ANKRD45: variants seen among roughly 807,000 people sequenced by gnomAD.
ANKRD45 encodes ankyrin repeat domain-containing protein 45.
ANKRD45 carries 21 observed loss-of-function variants against 28.1 expected under a neutral mutation model. The ratio of observed to expected loss-of-function variants is 0.75; its 90% CI spans 0.53 to 1.08. ANKRD45 has a LOEUF of 1.08. ANKRD45 is among the 50% of genes least tolerant of loss of function. The probability of loss-of-function intolerance (pLI) is 0.00; values close to 1 mark genes in which losing one functional copy is unlikely to be tolerated. For missense variants in ANKRD45, 261 were observed against 308.7 expected (o/e 0.85, Z 1.16); for synonymous variants, 86 against 103.9 (o/e 0.83, Z 1.05).
In ANKRD45 at chr1:173,624,820, C is replaced by A. The variant is rs764646831; in HGVS notation, c.697G>T (p.Val233Leu). ...GTCATTTTTGTGAAGATAGGAGTCA[C>A]AATATCTTCCAGTTGTTGTCTCTGC... ...FEQRQQLEDIVTPIFTKMTTP... is the reference protein window; with the variant it reads ...FEQRQQLEDILTPIFTKMTTP... Residue 233 changes from valine (V) to leucine (L), a missense_variant, in exon 5 of 6, where the codon GTG becomes TTG. Coordinates refer to ENST00000333279, the MANE Select transcript of ANKRD45 (RefSeq NM_198493.3). 6 of 1,613,736 alleles carry A rather than the reference C, an allele frequency of 3.7e-6. 1 individual carries two copies. The highest frequency in any genetic ancestry group is 1.7e-5 in the Admixed American group (1 of 59,982).
At chr1:173,694,974 T>C in the ANKRD45 span, among the ~76,000 whole-genome samples, 1 of 152,200 alleles carries the variant, frequency 6.6e-6, no homozygotes, top group Admixed American at 6.5e-5. Flanking sequence ...CATTTATTAG[T>C]TGTAATATTT....
Position 173,613,241 on chromosome 1 carries a change from C to T in ANKRD45, c.731-3026G>A, listed in dbSNP as rs564390882. ...TGTGAGGAGCACCTCTGCCCGGCCG[C>T]GACCCCGTCTGGGAGGTGAGGAGCG... On this transcript the variant is annotated intron_variant, in intron 5 of 5. Coordinates refer to ENST00000333279, the MANE Select transcript of ANKRD45 (RefSeq NM_198493.3). Among the ~76,000 whole-genome samples, 471 of 151,880 alleles carry T rather than the reference C, an allele frequency of 3.1e-3. 1 individual carries two copies. The highest frequency in any genetic ancestry group is 0.027 in the Middle Eastern group (8 of 294).
At chr1:173,691,450 C>G in the ANKRD45 span, among the ~76,000 whole-genome samples, 2 of 152,184 alleles carry the variant, frequency 1.3e-5, no homozygotes, top group African/African-American at 2.4e-5. Context: ...AAATAGCACT[C>G]AAATATAAAA....
At chr1:173,635,497 CT>C (rs771525069) in intron 3 of ANKRD45, 30 of 1,461,124 alleles carry the variant, frequency 2.1e-5, no homozygotes, top group South Asian at 2.7e-5. Context: ...ATTTTAGCTA[CT>C]TTTTTTTCAA....
chr1:173,613,386 T>TC (rs1193778356), intron 5 of ANKRD45, among the ~76,000 whole-genome samples: 1 of 150,132 alleles, frequency 6.7e-6, no homozygotes, highest in Non-Finnish European at 1.5e-5. Flanking sequence ...GAGGAGCCCC[T>TC]CCGCCTGGCA....
intron 3 of ANKRD45, among the ~76,000 whole-genome samples, chr1:173,640,648 A>G (rs1668658847): frequency 6.6e-6 from 1 of 152,054 alleles, no homozygotes; most frequent in South Asian, 2.1e-4. Flanking sequence ...TTGCTCTGTC[A>G]CACCTTGTGG....
chr1:173,696,373 A>G, the ANKRD45 span, among the ~76,000 whole-genome samples: 1 of 152,170 alleles, frequency 6.6e-6, no homozygotes, highest in Admixed American at 6.5e-5. Context: ...CCAGAATGAC[A>G]TTTCCTTTCT....
the ANKRD45 span, among the ~76,000 whole-genome samples, chr1:173,679,765 A>G: frequency 6.6e-6 from 1 of 152,254 alleles, no homozygotes; most frequent in Non-Finnish European, 1.5e-5. Flanking sequence ...GGCAACTTAC[A>G]GAATGGGAGA....
chr1:173,681,187 T>C, the ANKRD45 span, among the ~76,000 whole-genome samples: 10 of 152,170 alleles, frequency 6.6e-5, no homozygotes, highest in African/African-American at 2.2e-4. Context: ...TTAAAAAAAT[T>C]AGAATATCAT....
the ANKRD45 span, among the ~76,000 whole-genome samples, chr1:173,684,279 G>A: frequency 1.3e-5 from 2 of 152,116 alleles, no homozygotes; most frequent in Non-Finnish European, 2.9e-5. Context: ...TATTTGAAAA[G>A]AAATTTAGAA....
the ANKRD45 span, among the ~76,000 whole-genome samples, chr1:173,684,203 G>A: frequency 6.6e-6 from 1 of 152,112 alleles, no homozygotes; most frequent in Non-Finnish European, 1.5e-5. Context: ...ATCAAAAAAG[G>A]TTGCTTTATG....
the ANKRD45 span, among the ~76,000 whole-genome samples, chr1:173,680,117 G>A: frequency 3.7e-3 from 556 of 152,272 alleles, 2 homozygotes; most frequent in Middle Eastern, 0.01. Flanking sequence ...CAACCATTGC[G>A]GAAGACAGTG....
chr1:173,648,482 TG>T (rs1262210987), intron 2 of ANKRD45, among the ~76,000 whole-genome samples: 1 of 152,230 alleles, frequency 6.6e-6, no homozygotes, highest in Non-Finnish European at 1.5e-5. Context: ...TTCATGTCTT[TG>T]TCATATGGAC....
the ANKRD45 span, among the ~76,000 whole-genome samples, chr1:173,681,245 GTTAT>G: frequency 2.6e-5 from 4 of 152,190 alleles, no homozygotes; most frequent in Admixed American, 6.5e-5. Flanking sequence ...GTTCTATTCA[GTTAT>G]TTAGTGTATG....
chr1:173,656,042 C>G (rs2422467), intron 2 of ANKRD45, among the ~76,000 whole-genome samples: 23,423 of 152,266 alleles, frequency 0.15, 2,130 homozygotes, highest in Middle Eastern at 0.31. Context: ...GGGAAATCCC[C>G]TGACCCCTTG....
Position 173,610,187 on chromosome 1 carries a change from T to C in ANKRD45, c.759A>G (p.Thr253=), listed in dbSNP as rs376006679. Residue 253 remains threonine, a synonymous_variant, in exon 6 of 6, where the codon ACA becomes ACG. Transcript: ENST00000333279. ...PCQVKSAKSV[T]SHDQKRSQDD... is the part of the protein sequence containing the mutation. Reference sequence around the variant, plus strand: ...CTTGACTTCTCTTCTGGTCATGGCTTGTTACAGATTTGGCACTTTTCACTT... The same window carrying C: ...CTTGACTTCTCTTCTGGTCATGGCTCGTTACAGATTTGGCACTTTTCACTT... 1 of 1,614,192 alleles carries C rather than the reference T, an allele frequency of 6.2e-7. No individual in the cohort carries two copies. The highest frequency in any genetic ancestry group is 8.5e-7 in the Non-Finnish European group (1 of 1,180,024).
At chr1:173,685,493 G>A in the ANKRD45 span, among the ~76,000 whole-genome samples, 1 of 152,194 alleles carries the variant, frequency 6.6e-6, no homozygotes, top group African/African-American at 2.4e-5. Context: ...GGGACAATCT[G>A]GGCCTCTGGC....
At chr1:173,690,101 A>C in the ANKRD45 span, among the ~76,000 whole-genome samples, 1 of 114,842 alleles carries the variant, frequency 8.7e-6, no homozygotes, top group Non-Finnish European at 1.7e-5. Context: ...TACCTCTTTC[A>C]AAGGGAAGAG....
chr1:173,637,010 AAAG>A (rs1470402934), intron 3 of ANKRD45: 8 of 1,534,238 alleles, frequency 5.2e-6, no homozygotes, highest in African/African-American at 4.1e-5. Context: ...GAAGAAGAGT[AAAG>A]AAGAAGGAGC....
Sources: allele counts gnomAD v4.1 joint callset (sites outside exome capture counted in the v4.1 genomes callset), GRCh38; gene constraint gnomAD v4.1.1; transcripts MANE v1.5; gene names NCBI Gene and HGNC (gene_info 2026-07-23, HGNC 2026-07-21).